PCCA: variants seen among roughly 807,000 people sequenced by gnomAD.
The protein encoded by PCCA is propionyl-CoA carboxylase subunit alpha, also known as propionyl-CoA carboxylase alpha chain, mitochondrial.
In PCCA, 74 loss-of-function variants were observed where a neutral mutation model predicts 101.3. The observed-to-expected ratio is 0.73, with a 90% confidence interval of 0.61 to 0.89. PCCA has a LOEUF of 0.89. Ranked by LOEUF, PCCA falls within the 40% of genes least tolerant of loss-of-function variation. PCCA has a pLI of 0.00. For synonymous variants in PCCA, 294 were observed against 313.6 expected, an observed-to-expected ratio of 0.94 and a Z score of 0.66; for missense variants, 891 against 907.0, an observed-to-expected ratio of 0.98 and a Z score of 0.23.
chr13:100,389,116 G>C (rs751510991), intron 19 of PCCA, among the ~76,000 whole-genome samples: 16 of 152,192 alleles, frequency 1.1e-4, no homozygotes, highest in Non-Finnish European at 2.4e-4. Context: ...CAGTGAAGGA[G>C]GAAAATTGAG....
intron 11 of PCCA, among the ~76,000 whole-genome samples, chr13:100,269,970 A>T (rs933682079): frequency 6.6e-6 from 1 of 152,166 alleles, no homozygotes; most frequent in Non-Finnish European, 1.5e-5. Flanking sequence ...CCCGTAGACT[A>T]CTTAGAAGTG....
intron 4 of PCCA, among the ~76,000 whole-genome samples, chr13:100,154,157 C>T (rs922965520): frequency 1.3e-5 from 2 of 151,940 alleles, no homozygotes; most frequent in African/African-American, 4.8e-5. Flanking sequence ...AACTGGAAAG[C>T]CATTAGGAAA....
chr13:100,442,861 G>T (rs1280540694), intron 20 of PCCA, among the ~76,000 whole-genome samples: 2 of 152,180 alleles, frequency 1.3e-5, no homozygotes, highest in African/African-American at 4.8e-5. Flanking sequence ...CTGGGGGAAG[G>T]AAGTCCCAGG....
At chr13:100,456,616 G>A (rs759728064) in intron 21 of PCCA, among the ~76,000 whole-genome samples, 33 of 151,428 alleles carry the variant, frequency 2.2e-4, no homozygotes, top group Admixed American at 1.2e-3. Flanking sequence ...TCACGTGATC[G>A]TAGAACAGGG....
At chr13:100,139,132 A>G (rs1594314732) in intron 4 of PCCA, among the ~76,000 whole-genome samples, 1 of 151,458 alleles carries the variant, frequency 6.6e-6, no homozygotes, top group Non-Finnish European at 1.5e-5. Context: ...TCATTCCTTT[A>G]TAGTTAATGT....
intron 6 of PCCA, among the ~76,000 whole-genome samples, chr13:100,190,961 G>A (rs2152447888): frequency 6.6e-6 from 1 of 151,940 alleles, no homozygotes; most frequent in East Asian, 2.0e-4. Context: ...GCCAGGCATG[G>A]TGGTGTGCGC....
intron 6 of PCCA, among the ~76,000 whole-genome samples, chr13:100,159,527 A>G (rs1162315857): frequency 6.6e-6 from 1 of 152,196 alleles, no homozygotes; most frequent in African/African-American, 2.4e-5. Flanking sequence ...TGTTACGGAA[A>G]ATAAGTTGAT....
At chr13:100,413,336 TGTGGTG>T (rs1482839125) in intron 19 of PCCA, among the ~76,000 whole-genome samples, 1 of 152,224 alleles carries the variant, frequency 6.6e-6, no homozygotes, top group Non-Finnish European at 1.5e-5. Context: ...AGATGTATTC[TGTGGTG>T]GTAAACCACC....
intron 18 of PCCA, among the ~76,000 whole-genome samples, chr13:100,345,571 A>G (rs956023497): frequency 6.6e-6 from 1 of 152,240 alleles, no homozygotes; most frequent in Non-Finnish European, 1.5e-5. Context: ...GTGGAGGGGA[A>G]GCTGCAAGTG....
intron 6 of PCCA, among the ~76,000 whole-genome samples, chr13:100,179,465 G>A (rs1367112291): frequency 6.6e-6 from 1 of 152,146 alleles, no homozygotes; most frequent in African/African-American, 2.4e-5. Context: ...ATCTTTTAGG[G>A]AAGTGAGGTC....
intron 19 of PCCA, among the ~76,000 whole-genome samples, chr13:100,406,016 C>T (rs190584250): frequency 4.7e-4 from 71 of 152,172 alleles, no homozygotes; most frequent in African/African-American, 1.6e-3. Flanking sequence ...CCACCCGCCT[C>T]GGCCTCCCAA....
chr13:100,490,170 A>G (rs557509726), intron 21 of PCCA: 1 of 152,250 alleles, frequency 6.6e-6, no homozygotes, highest in African/African-American at 2.4e-5. Context: ...GACGGCAATA[A>G]TGAAGCCAGC....
At chr13:100,476,949 G>C (rs927478071) in intron 21 of PCCA, among the ~76,000 whole-genome samples, 1 of 151,948 alleles carries the variant, frequency 6.6e-6, no homozygotes, top group African/African-American at 2.4e-5. Flanking sequence ...TTAGTTTTGT[G>C]GTATTAAATC....
intron 6 of PCCA, among the ~76,000 whole-genome samples, chr13:100,181,790 G>A (rs1376851199): frequency 1.4e-5 from 2 of 139,784 alleles, no homozygotes; most frequent in African/African-American, 5.4e-5. Context: ...TTTTGAGATG[G>A]AATCTCGCTC....
chr13:100,518,042 C>T (rs1032523587), intron 22 of PCCA, among the ~76,000 whole-genome samples: 10 of 152,110 alleles, frequency 6.6e-5, no homozygotes, highest in African/African-American at 1.9e-4. Flanking sequence ...TAACAATAGC[C>T]GGGCGAGGTT....
chr13:100,474,872 T>C (rs2083302752), intron 21 of PCCA, among the ~76,000 whole-genome samples: 1 of 152,208 alleles, frequency 6.6e-6, no homozygotes. Context: ...TGTAGCAATT[T>C]TATTGAGATA....
At chr13:100,478,372 G>T (rs1566415864) in intron 21 of PCCA, among the ~76,000 whole-genome samples, 1 of 152,202 alleles carries the variant, frequency 6.6e-6, no homozygotes, top group Non-Finnish European at 1.5e-5. Context: ...GGATCAGCCT[G>T]CTCTGGCGAG....
chr13:100,475,683 G>A (rs1307250730), intron 21 of PCCA, among the ~76,000 whole-genome samples: 3 of 152,182 alleles, frequency 2.0e-5, no homozygotes, highest in Non-Finnish European at 4.4e-5. Flanking sequence ...TCCAGGTGGT[G>A]TAGTAACTCT....
intron 19 of PCCA, among the ~76,000 whole-genome samples, chr13:100,423,864 A>G (rs1309225398): frequency 6.6e-6 from 1 of 152,186 alleles, no homozygotes; most frequent in African/African-American, 2.4e-5. Flanking sequence ...TGGCATGGGG[A>G]GAACGTAGAC....
Sources: allele counts gnomAD v4.1 joint callset (sites outside exome capture counted in the v4.1 genomes callset), GRCh38; gene constraint gnomAD v4.1.1; transcripts MANE v1.5; gene names NCBI Gene and HGNC (gene_info 2026-07-23, HGNC 2026-07-21).